The following LYPLAL1 variants were observed in gnomAD, a reference collection of about 807,000 sequenced individuals.
The protein encoded by LYPLAL1 is lysophospholipase like 1, also known as lysophospholipase-like protein 1.
A neutral mutation model predicts 19.7 loss-of-function variants in LYPLAL1; 23 were observed. The observed-to-expected ratio is 1.17, with a 90% CI of 0.84 to 1.65. LYPLAL1 has a LOEUF of 1.65. Ranked by LOEUF, LYPLAL1 falls within the 40% of genes most tolerant of loss-of-function variation. The pLI is 0.00. For missense variants in LYPLAL1, 355 were observed against 279.4 expected (o/e 1.27, Z -1.93); for synonymous variants, 119 against 96.3 (o/e 1.24, Z -1.38).
At chr1:219,236,000 C>A in the LYPLAL1 span, among the ~76,000 whole-genome samples, 1 of 152,112 alleles carries the variant, frequency 6.6e-6, no homozygotes, top group Non-Finnish European at 1.5e-5. Flanking sequence ...ATGTGAAGGA[C>A]CTATAAATAA....
At position 219,193,241 on chromosome 1, in the gene LYPLAL1, G is replaced by C; in HGVS notation, c.351G>C (p.Arg117Ser). The part of the protein sequence containing the change: ...EEVKSGIKKN[R>S]ILIGGFSMGG... ...TAAAAAGTGGCATCAAGAAGAACAG[G>C]ATATTAATAGGTAAGACCTTTAAAT... The change falls in exon 3 of 5, where the codon AGG (arginine) becomes AGC (serine). Residue 117 changes from arginine (R) to serine (S), a missense_variant. Transcript: ENST00000366928. The C allele has an allele frequency of 6.2e-7, 1 of 1,608,384 alleles. No individual in the cohort carries two copies. Among genetic ancestry groups the C allele is most frequent in the Non-Finnish European group, 8.5e-7 (1 of 1,176,554 alleles).
chr1:219,238,122 C>CTTTTT, the LYPLAL1 span, among the ~76,000 whole-genome samples: 7 of 103,888 alleles, frequency 6.7e-5, no homozygotes, highest in Admixed American at 1.2e-4. Flanking sequence ...TGGATCTAAA[C>CTTTTT]TTTTTTTTTT....
At chr1:219,394,160 T>C in the LYPLAL1 span, among the ~76,000 whole-genome samples, 1 of 152,088 alleles carries the variant, frequency 6.6e-6, no homozygotes, top group Non-Finnish European at 1.5e-5. Flanking sequence ...ACATGAGATA[T>C]GAGGATATGT....
Position 219,211,954 on chromosome 1 carries a change from C to A in LYPLAL1, c.*226C>A, listed in dbSNP as rs533856824. 2.9e-6 allele frequency: 1 copy of A among 346,042 alleles called. No homozygotes were observed. The highest frequency in any genetic ancestry group is 5.2e-6 in the Non-Finnish European group (1 of 193,202). 21.4% of individuals were successfully genotyped at this position (346,042 alleles called of 1,614,324 possible). A position where few individuals can be genotyped will look rare whatever the true frequency, so the allele number is the denominator to read the frequency against. On this transcript the variant is annotated 3_prime_UTR_variant, in exon 5 of 5. Coordinates refer to ENST00000366928, the MANE Select transcript of LYPLAL1 (RefSeq NM_138794.5). ...CACAATTCTGTAAATATTTGGAAACCTTTTAAGTATTTAAACTTTTAAATT... is the reference window on the plus strand; with the variant it reads ...CACAATTCTGTAAATATTTGGAAACATTTTAAGTATTTAAACTTTTAAATT...
chr1:219,342,822 T>A, the LYPLAL1 span, among the ~76,000 whole-genome samples: 1 of 152,198 alleles, frequency 6.6e-6, no homozygotes, highest in Non-Finnish European at 1.5e-5. Context: ...ATAGTTTAAG[T>A]TGGTTAGCAT....
the LYPLAL1 span, among the ~76,000 whole-genome samples, chr1:219,300,296 T>C: frequency 6.6e-6 from 1 of 152,034 alleles, no homozygotes; most frequent in Non-Finnish European, 1.5e-5. Context: ...ATTCAGTATT[T>C]GTATACAAAT....
At chr1:219,309,010 A>G in the LYPLAL1 span, among the ~76,000 whole-genome samples, 2 of 152,218 alleles carry the variant, frequency 1.3e-5, no homozygotes. Context: ...GGGAGGCTAC[A>G]CGCTGCAAAG....
the LYPLAL1 span, among the ~76,000 whole-genome samples, chr1:219,293,928 C>G: frequency 6.6e-6 from 1 of 152,206 alleles, no homozygotes; most frequent in Non-Finnish European, 1.5e-5. Context: ...GTCCCCCAAG[C>G]TTATTCAGTC....
chr1:219,271,575 A>G, the LYPLAL1 span: 1 of 152,178 alleles, frequency 6.6e-6, no homozygotes, highest in African/African-American at 2.4e-5. Context: ...TGATTAGCTA[A>G]TGTTCATCTT....
intron 1 of LYPLAL1, chr1:219,174,836 A>G (rs1655679763): frequency 2.1e-6 from 2 of 940,254 alleles, no homozygotes; most frequent in Admixed American, 6.2e-5. Context: ...GGGCCTACCT[A>G]AAGTTAAAAA....
the LYPLAL1 span, among the ~76,000 whole-genome samples, chr1:219,298,566 C>T: frequency 6.6e-6 from 1 of 152,152 alleles, no homozygotes; most frequent in Non-Finnish European, 1.5e-5. Context: ...CTTTTTCCCA[C>T]CACCCAAGAT....
chr1:219,224,911 T>G, the LYPLAL1 span, among the ~76,000 whole-genome samples: 1 of 152,190 alleles, frequency 6.6e-6, no homozygotes, highest in African/African-American at 2.4e-5. Flanking sequence ...TCCTTATCTT[T>G]TCCATATCTT....
the LYPLAL1 span, among the ~76,000 whole-genome samples, chr1:219,330,842 A>G: frequency 2.6e-5 from 4 of 152,174 alleles, no homozygotes; most frequent in African/African-American, 9.7e-5. Context: ...TGAGAAGACT[A>G]TTGATTGACT....
At chr1:219,355,096 A>G in the LYPLAL1 span, among the ~76,000 whole-genome samples, 1 of 152,224 alleles carries the variant, frequency 6.6e-6, no homozygotes, top group Non-Finnish European at 1.5e-5. Flanking sequence ...GAGCAGAGCT[A>G]TCTAATAAAT....
chr1:219,305,762 G>A, the LYPLAL1 span, among the ~76,000 whole-genome samples: 1 of 152,208 alleles, frequency 6.6e-6, no homozygotes, highest in East Asian at 1.9e-4. Context: ...ATACAAGGCT[G>A]ATTCCTCTGC....
intron 2 of LYPLAL1, among the ~76,000 whole-genome samples, chr1:219,181,983 G>T (rs1394733603): frequency 2.6e-5 from 4 of 152,078 alleles, no homozygotes; most frequent in Non-Finnish European, 5.9e-5. Context: ...ATGAGTAATT[G>T]TGGGTATTTA....
the LYPLAL1 span, among the ~76,000 whole-genome samples, chr1:219,445,068 T>TAA: frequency 4.9e-5 from 7 of 143,116 alleles, no homozygotes; most frequent in Admixed American, 6.9e-5. Context: ...ATCCTGTGAA[T>TAA]AAAAAAAAAA....
At chr1:219,400,644 A>G in the LYPLAL1 span, among the ~76,000 whole-genome samples, 3 of 152,076 alleles carry the variant, frequency 2.0e-5, no homozygotes, top group Admixed American at 2.0e-4. Flanking sequence ...ACAGGTGGTC[A>G]CCACCACACC....
chr1:219,372,951 G>A, the LYPLAL1 span, among the ~76,000 whole-genome samples: 2 of 151,978 alleles, frequency 1.3e-5, no homozygotes, highest in African/African-American at 4.8e-5. Context: ...CTCCAGGAAA[G>A]CAATTGGCTC....
Sources: gnomAD v4.1 joint callset for allele counts (sites outside exome capture counted in the v4.1 genomes callset) on GRCh38, gnomAD v4.1.1 for gene constraint, MANE v1.5 for transcripts, NCBI Gene and HGNC (gene_info 2026-07-23, HGNC 2026-07-21) for gene names.